The following PCDH9 variants were observed in gnomAD, a reference collection of about 807,000 sequenced individuals.
The protein encoded by PCDH9 is protocadherin 9, also known as protocadherin-9.
A neutral mutation model predicts 70.6 loss-of-function variants in PCDH9; 24 were observed. The ratio of observed to expected loss-of-function variants is 0.34; its 90% CI spans 0.25 to 0.48. The LOEUF is 0.48. Ranked by LOEUF, PCDH9 falls within the 20% of genes least tolerant of loss-of-function variation. PCDH9 has a pLI of 0.99. For missense variants in PCDH9, 1,281 were observed against 1,503.6 expected (o/e 0.85, Z 2.45); for synonymous variants, 562 against 558.5 (o/e 1.01, Z -0.09).
At chr13:66,842,778 G>C (rs923968130) in intron 3 of PCDH9, among the ~76,000 whole-genome samples, 1 of 152,114 alleles carries the variant, frequency 6.6e-6, no homozygotes, top group Non-Finnish European at 1.5e-5. Flanking sequence ...ACTATTCCAA[G>C]CACTAATGAA....
intron 3 of PCDH9, among the ~76,000 whole-genome samples, chr13:66,663,744 C>G (rs185829996): frequency 1.2e-3 from 184 of 152,248 alleles, no homozygotes; most frequent in African/African-American, 4.0e-3. Context: ...AAGATTCACT[C>G]AGATTTACTC....
chr13:66,901,843 G>A (rs1323019837), intron 3 of PCDH9, among the ~76,000 whole-genome samples: 22 of 151,448 alleles, frequency 1.5e-4, no homozygotes, highest in Non-Finnish European at 3.0e-5. Flanking sequence ...GTAATCAAAG[G>A]GATTTTCTGA....
chr13:67,190,826 A>G (rs1369459386), intron 2 of PCDH9, among the ~76,000 whole-genome samples: 1 of 152,086 alleles, frequency 6.6e-6, no homozygotes, highest in African/African-American at 2.4e-5. Context: ...TTTATGTTCT[A>G]TGTGCTTTAA....
At chr13:66,779,665 A>T (rs1391371751) in intron 3 of PCDH9, among the ~76,000 whole-genome samples, 1 of 151,912 alleles carries the variant, frequency 6.6e-6, no homozygotes, top group Non-Finnish European at 1.5e-5. Flanking sequence ...TACTAAAAAT[A>T]CAAAAATTAG....
chr13:66,419,763 GTTT>G (rs35437080), intron 4 of PCDH9, among the ~76,000 whole-genome samples: 7 of 142,338 alleles, frequency 4.9e-5, no homozygotes, highest in African/African-American at 1.8e-4. Flanking sequence ...AGCTGCAGGA[GTTT>G]TTTTTTTTTT....
At chr13:66,592,733 G>T (rs1247431878) in intron 4 of PCDH9, among the ~76,000 whole-genome samples, 5 of 151,688 alleles carry the variant, frequency 3.3e-5, no homozygotes, top group Non-Finnish European at 7.4e-5. Context: ...TAATATTAGT[G>T]TAGGAAAGTG....
intron 3 of PCDH9, among the ~76,000 whole-genome samples, chr13:66,886,576 G>T (rs963096188): frequency 6.6e-6 from 1 of 152,130 alleles, no homozygotes; most frequent in Non-Finnish European, 1.5e-5. Context: ...TTTGAACAGA[G>T]AATCTGTTTT....
chr13:66,965,061 T>A (rs796143196), intron 2 of PCDH9, among the ~76,000 whole-genome samples: 62 of 152,122 alleles, frequency 4.1e-4, no homozygotes, highest in African/African-American at 1.4e-3. Context: ...ATTTTTGACA[T>A]TGCAAAATAT....
intron 3 of PCDH9, among the ~76,000 whole-genome samples, chr13:66,893,311 A>G (rs1473648684): frequency 6.6e-6 from 1 of 152,184 alleles, no homozygotes. Context: ...TAAGTAAAAC[A>G]GTATTGTATC....
chr13:66,714,712 A>G (rs1439619354), intron 3 of PCDH9, among the ~76,000 whole-genome samples: 1 of 152,210 alleles, frequency 6.6e-6, no homozygotes, highest in Non-Finnish European at 1.5e-5. Context: ...GTATGAATTT[A>G]CCATTTTATG....
chr13:66,710,994 T>C (rs1250362293), intron 3 of PCDH9, among the ~76,000 whole-genome samples: 1 of 152,154 alleles, frequency 6.6e-6, no homozygotes, highest in Admixed American at 6.6e-5. Context: ...CATCTCATAG[T>C]CCATTTCCAA....
chr13:66,797,719 A>G (rs1294930061), intron 3 of PCDH9, among the ~76,000 whole-genome samples: 2 of 152,170 alleles, frequency 1.3e-5, no homozygotes, highest in Admixed American at 6.6e-5. Context: ...GTTTGCATTT[A>G]TAGAGTATGT....
At chr13:66,809,150 G>A (rs1430968595) in intron 3 of PCDH9, among the ~76,000 whole-genome samples, 4 of 152,004 alleles carry the variant, frequency 2.6e-5, no homozygotes, top group African/African-American at 4.8e-5. Context: ...GGGTTTCACC[G>A]TGTTAGCCAG....
intron 2 of PCDH9, among the ~76,000 whole-genome samples, chr13:66,946,081 A>G (rs945210697): frequency 6.6e-6 from 1 of 152,160 alleles, no homozygotes; most frequent in Non-Finnish European, 1.5e-5. Context: ...TCATCTGGTC[A>G]CTAATGACTT....
chr13:66,735,540 A>C (rs1005393963), intron 3 of PCDH9, among the ~76,000 whole-genome samples: 3 of 152,220 alleles, frequency 2.0e-5, no homozygotes, highest in Admixed American at 2.0e-4. Context: ...CACATTTAGA[A>C]AATATGCCAG....
At chr13:67,202,832 C>T (rs2138057526) in intron 2 of PCDH9, 1 of 151,948 alleles carries the variant, frequency 6.6e-6, no homozygotes, top group African/African-American at 2.4e-5. Flanking sequence ...TCATTTTGTC[C>T]ATATTTGCAT....
At chr13:66,657,642 G>A (rs2077950520) in intron 3 of PCDH9, among the ~76,000 whole-genome samples, 1 of 152,186 alleles carries the variant, frequency 6.6e-6, no homozygotes, top group Non-Finnish European at 1.5e-5. Context: ...TCTGAATGAT[G>A]GGTGTGAGTG....
At chr13:66,899,589 G>A (rs1048849814) in intron 3 of PCDH9, among the ~76,000 whole-genome samples, 1 of 152,078 alleles carries the variant, frequency 6.6e-6, no homozygotes, top group Admixed American at 6.6e-5. Flanking sequence ...ATAACTATGA[G>A]ACATTTTCCT....
intron 2 of PCDH9, among the ~76,000 whole-genome samples, chr13:66,931,699 T>TA (rs1006739979): frequency 6.6e-6 from 1 of 152,166 alleles, no homozygotes; most frequent in African/African-American, 2.4e-5. Flanking sequence ...GGTTTATCCG[T>TA]AGGTTGCCTG....
Sources: allele counts gnomAD v4.1 joint callset (sites outside exome capture counted in the v4.1 genomes callset), GRCh38; gene constraint gnomAD v4.1.1; transcripts MANE v1.5; gene names NCBI Gene and HGNC (gene_info 2026-07-23, HGNC 2026-07-21).